GAK: variants seen among roughly 807,000 people sequenced by gnomAD.
GAK encodes the protein cyclin G associated kinase, also known as cyclin-G-associated kinase.
In GAK, 79 loss-of-function variants were observed where a neutral mutation model predicts 143.9. That is an observed-to-expected ratio of 0.55 (90% CI 0.46 to 0.66). The LOEUF is 0.66. GAK is among the 30% of genes least tolerant of loss of function. GAK has a pLI of 0.00. For missense variants in GAK, 1,693 were observed against 1,779.7 expected (o/e 0.95, Z 0.88); for synonymous variants, 881 against 765.5 (o/e 1.15, Z -2.49).
intron 15 of GAK, among the ~76,000 whole-genome samples, chr4:879,078 T>C (rs1714570243): frequency 6.6e-6 from 1 of 152,198 alleles, no homozygotes; most frequent in Admixed American, 6.5e-5. Flanking sequence ...GCCAACACCT[T>C]GAACGGAGGA....
chr4:869,964 GAACGCACACACAGCACA>G (rs1712164920), intron 19 of GAK: 1 of 146,586 alleles, frequency 6.8e-6, no homozygotes, highest in Admixed American at 6.9e-5. Flanking sequence ...CGGTACACAC[GAACGCACACACAGCACA>G]TACCGATGCA....
chr4:881,806 G>A, intron 15 of GAK, 101 bp downstream of exon 15: 2 of 1,355,082 alleles, frequency 1.5e-6, no homozygotes, highest in Non-Finnish European at 2.0e-6. Flanking sequence ...ACCAGCGCCT[G>A]CAGCGGCACC....
Position 898,139 on chromosome 4 carries a change from C to G in GAK, c.545G>C (p.Ser182Thr), listed in dbSNP as rs1305878733. The G allele has an allele frequency of 3.7e-6, 6 of 1,614,034 alleles. No homozygotes were observed. The African/African-American group carries it at 6.7e-5, about 18-fold the overall frequency. The stretch of plus-strand genomic sequence containing the variant: ...ACACAGCTTAATGGTCCCTTGGTTA[C>G]TAAGCAACAAGTTCTCAACCTGTAA... ...RDLKVENLLLSNQGTIKLCDF... is the reference protein window; with the variant it reads ...RDLKVENLLLTNQGTIKLCDF... Residue 182 changes from serine to threonine, a missense_variant, in exon 6 of 28, where the codon AGT becomes ACT. Ser to Thr is a moderately conservative substitution (Grantham distance 58). Transcript: ENST00000314167.
chr4:903,481 AG>A (rs1720358815), intron 5 of GAK, among the ~76,000 whole-genome samples: 1 of 152,176 alleles, frequency 6.6e-6, no homozygotes, highest in East Asian at 1.9e-4. Flanking sequence ...CCCAGCTCCA[AG>A]AGGCCGAACC....
intron 1 of GAK, among the ~76,000 whole-genome samples, chr4:930,849 T>TC (rs1452527774): frequency 6.6e-6 from 1 of 152,124 alleles, no homozygotes. Flanking sequence ...TCAAAATGTC[T>TC]CCGCAGGCCT....
intron 5 of GAK, among the ~76,000 whole-genome samples, chr4:902,596 C>CCAAAAAAAAAAAAAAA (rs1720086684): frequency 1.6e-5 from 1 of 60,730 alleles, no homozygotes; most frequent in African/African-American, 8.2e-5. Flanking sequence ...GTGACTGACT[C>CCAAAAAAAAAAAAAAA]AAAAAAAAAA....
At chr4:925,059 C>G (rs1252105495) in intron 1 of GAK, among the ~76,000 whole-genome samples, 1 of 152,074 alleles carries the variant, frequency 6.6e-6, no homozygotes, top group Admixed American at 6.5e-5. Flanking sequence ...AAGACTCTAT[C>G]TCAAAAAAAT....
At chr4:892,473 C>A (rs1036080028) in intron 9 of GAK, among the ~76,000 whole-genome samples, 1 of 152,224 alleles carries the variant, frequency 6.6e-6, no homozygotes, top group Non-Finnish European at 1.5e-5. Flanking sequence ...CTGTCCACGG[C>A]TGGGTCAGAA....
intron 5 of GAK, among the ~76,000 whole-genome samples, chr4:904,287 C>T (rs7661015): frequency 0.056 from 3,178 of 57,144 alleles, 31 homozygotes; most frequent in East Asian, 0.14. Flanking sequence ...CCTTGGCAGC[C>T]GCGTGTGGAG....
Position 851,767 on chromosome 4 carries a change from AC to A in GAK, c.3490del (p.Val1164SerfsTer41). 1.2e-6 allele frequency: 2 copies of A among 1,612,448 alleles called. No homozygotes were observed. Among genetic ancestry groups the A allele is most frequent in the Middle Eastern group, 1.6e-4 (1 of 6,062 alleles). ...SVIGAREERG[V>X]RAPSFAQKPK... ...GGACTCACCAAAGCTGGGTGCGCGG[AC>A]CCCCCGCTCCTCCCGCGCCCCGATC... On this transcript the variant is annotated frameshift_variant, in exon 25 of 28. Transcript: ENST00000314167. LOFTEE classifies it high-confidence loss of function.
Position 851,914 on chromosome 4 carries a change from C to A in GAK, c.3344G>T (p.Gly1115Val). ...CCGACTTGTCTGCCAGGAGCTGCTG[C>A]CTTTGGGCGTGGTGGCCGTTTTGGG... is the stretch of plus-strand genomic sequence containing the variant. ...FIPKTATTPKGSSSWQTSRPP... is the reference protein window; with the variant it reads ...FIPKTATTPKVSSSWQTSRPP... Residue 1115 changes from glycine (G) to valine (V), a missense_variant, in exon 25 of 28, where the codon GGC (glycine) becomes GTC (valine). Coordinates refer to ENST00000314167, the MANE Select transcript of GAK (RefSeq NM_005255.4). The A allele has an allele frequency of 2.5e-6, 4 of 1,613,446 alleles. No homozygotes were observed. Among genetic ancestry groups the A allele is most frequent in the Non-Finnish European group, 3.4e-6 (4 of 1,179,538 alleles).
At chr4:888,721 C>T in intron 11 of GAK, 126 bp downstream of exon 11, 2 of 1,162,152 alleles carry the variant, frequency 1.7e-6, no homozygotes, top group Non-Finnish European at 2.4e-6. Context: ...GATGCTGTCC[C>T]ACTGCCTCAG....
intron 11 of GAK, among the ~76,000 whole-genome samples, chr4:885,563 G>A (rs1716155616): frequency 6.6e-6 from 1 of 152,180 alleles, no homozygotes; most frequent in Non-Finnish European, 1.5e-5. Context: ...TCAGGCACGT[G>A]TACCACAGGT....
intron 1 of GAK, among the ~76,000 whole-genome samples, chr4:925,650 A>G (rs1724596330): frequency 1.3e-5 from 2 of 152,180 alleles, no homozygotes; most frequent in Non-Finnish European, 2.9e-5. Flanking sequence ...CTTGGGGGTG[A>G]CTAGGCCATG....
intron 11 of GAK, chr4:887,261 A>G (rs1380316858): frequency 6.9e-6 from 1 of 144,558 alleles, no homozygotes; most frequent in African/African-American, 2.6e-5. Flanking sequence ...CACGCGGCTC[A>G]CGCGCACTCA....
chr4:850,029 C>A lies in GAK; in HGVS notation c.3697G>T (p.Ala1233Ser). 6.2e-7 allele frequency: 1 copy of A among 1,601,540 alleles called. No individual in the cohort carries two copies. The change falls in exon 27 of 28, where the codon GCC (alanine) becomes TCC (serine). Residue 1233 changes from alanine to serine, a missense_variant. Transcript: ENST00000314167. The part of the protein sequence containing the change: ...WIEGKERNIR[A>S]LLSTLHTVLW... ...ACTGTGTGCAGCGTGGACAGCAGGG[C>A]CCGGATGTTCCGCTCCTTGCCCTCA...
At chr4:925,774 G>A (rs1022868185) in intron 1 of GAK, among the ~76,000 whole-genome samples, 4 of 152,196 alleles carry the variant, frequency 2.6e-5, no homozygotes, top group Non-Finnish European at 4.4e-5. Context: ...CAGATCTGCC[G>A]GCGCCTTGCG....
intron 6 of GAK, among the ~76,000 whole-genome samples, chr4:897,035 G>T (rs1056622604): frequency 1.3e-5 from 2 of 152,240 alleles, no homozygotes; most frequent in African/African-American, 4.8e-5. Flanking sequence ...CAAACACACG[G>T]AGGCACTTGC....
intron 9 of GAK, among the ~76,000 whole-genome samples, chr4:891,204 G>A (rs921498996): frequency 1.3e-5 from 2 of 151,700 alleles, no homozygotes; most frequent in East Asian, 1.9e-4. Context: ...GAGGCAATTC[G>A]CCTGCCTCGG....
Sources: allele counts gnomAD v4.1 joint callset (sites outside exome capture counted in the v4.1 genomes callset), GRCh38; gene constraint gnomAD v4.1.1; transcripts MANE v1.5; gene names NCBI Gene and HGNC (gene_info 2026-07-23, HGNC 2026-07-21).